The following NEGR1 variants were observed in gnomAD, a reference collection of about 807,000 sequenced individuals.
NEGR1 encodes IgLON family member 4.
Under a neutral mutation model 40.9 loss-of-function variants are expected in NEGR1, and 10 were observed. The observed-to-expected ratio is 0.24, with a 90% CI of 0.15 to 0.42. The LOEUF (loss-of-function observed/expected upper bound fraction) is 0.42. Ranked by LOEUF, NEGR1 falls within the 10% of genes least tolerant of loss-of-function variation. NEGR1 has a pLI of 1.00. For synonymous variants in NEGR1, 185 were observed against 166.8 expected, an observed-to-expected ratio of 1.11 and a Z score of -0.84; for missense variants, 352 against 438.9, an observed-to-expected ratio of 0.80 and a Z score of 1.77.
chr1:72,022,938 C>T (rs1441654269), intron 1 of NEGR1, among the ~76,000 whole-genome samples: 2 of 152,036 alleles, frequency 1.3e-5, no homozygotes, highest in African/African-American at 4.8e-5. Context: ...AAGAAACAAC[C>T]AAAGTAGTAA....
At chr1:72,079,234 G>A (rs1038326855) in intron 1 of NEGR1, among the ~76,000 whole-genome samples, 2 of 151,634 alleles carry the variant, frequency 1.3e-5, no homozygotes, top group Non-Finnish European at 2.9e-5. Flanking sequence ...GTTTATTTAA[G>A]AATATAGCTG....
At chr1:71,751,089 T>G (rs986178843) in intron 3 of NEGR1, among the ~76,000 whole-genome samples, 4 of 152,026 alleles carry the variant, frequency 2.6e-5, no homozygotes, top group African/African-American at 7.2e-5. Context: ...GTTTTGTTTT[T>G]TTTTTGTTCT....
chr1:72,042,557 C>T (rs1646965486), intron 1 of NEGR1, among the ~76,000 whole-genome samples: 1 of 151,914 alleles, frequency 6.6e-6, no homozygotes, highest in South Asian at 2.1e-4. Flanking sequence ...AAAGAATACT[C>T]TTTGCTTTTT....
intron 1 of NEGR1, among the ~76,000 whole-genome samples, chr1:72,147,644 G>A (rs1650960307): frequency 6.6e-6 from 1 of 152,092 alleles, no homozygotes; most frequent in Admixed American, 6.6e-5. Context: ...AATGTCCACA[G>A]TCCAAAGTCT....
At chr1:72,007,199 C>T (rs1362583150) in intron 1 of NEGR1, among the ~76,000 whole-genome samples, 2 of 152,084 alleles carry the variant, frequency 1.3e-5, no homozygotes, top group Non-Finnish European at 2.9e-5. Flanking sequence ...TTCACTTGCA[C>T]TAGTAAATGT....
chr1:72,023,864 C>T (rs533064836), intron 1 of NEGR1, among the ~76,000 whole-genome samples: 40 of 152,134 alleles, frequency 2.6e-4, no homozygotes, highest in African/African-American at 9.4e-4. Flanking sequence ...TCAAATTATG[C>T]TATGCTCTCC....
At chr1:72,127,125 G>A (rs947773218) in intron 1 of NEGR1, among the ~76,000 whole-genome samples, 6 of 152,132 alleles carry the variant, frequency 3.9e-5, no homozygotes, top group South Asian at 4.1e-4. Flanking sequence ...GGTGAATACT[G>A]ACAGCAATAA....
intron 4 of NEGR1, among the ~76,000 whole-genome samples, chr1:71,653,012 C>T (rs76582039): frequency 0.018 from 2,699 of 152,258 alleles, 59 homozygotes; most frequent in African/African-American, 0.056. Flanking sequence ...TCATTGACCT[C>T]CCTGCCCCCA....
chr1:71,591,403 G>A (rs1262565106), intron 6 of NEGR1, among the ~76,000 whole-genome samples: 1 of 152,124 alleles, frequency 6.6e-6, no homozygotes, highest in Non-Finnish European at 1.5e-5. Context: ...AAATCAGAAT[G>A]TAATTTAGAA....
intron 2 of NEGR1, among the ~76,000 whole-genome samples, chr1:71,819,313 T>A (rs1658339740): frequency 6.6e-6 from 1 of 151,834 alleles, no homozygotes; most frequent in South Asian, 2.1e-4. Context: ...GAAAAATGAA[T>A]CCAGTTATGC....
At chr1:72,242,533 T>C (rs1336615755) in intron 1 of NEGR1, among the ~76,000 whole-genome samples, 8 of 151,646 alleles carry the variant, frequency 5.3e-5, no homozygotes, top group African/African-American at 1.7e-4. Context: ...TTTCATTCAT[T>C]TATTCATTTA....
chr1:72,250,571 C>T (rs950732554), intron 1 of NEGR1, among the ~76,000 whole-genome samples: 7 of 152,024 alleles, frequency 4.6e-5, no homozygotes, highest in Non-Finnish European at 1.0e-4. Flanking sequence ...CTTTCATTTG[C>T]CACTGTGGCT....
intron 3 of NEGR1, among the ~76,000 whole-genome samples, chr1:71,760,548 T>C (rs1655905457): frequency 6.6e-6 from 1 of 152,230 alleles, no homozygotes; most frequent in Admixed American, 6.5e-5. Context: ...TCATTCATTA[T>C]ATAATTATCC....
chr1:71,632,347 C>G (rs989806929), intron 4 of NEGR1, among the ~76,000 whole-genome samples: 2 of 151,322 alleles, frequency 1.3e-5, no homozygotes, highest in Admixed American at 1.3e-4. Flanking sequence ...CAGCTGACAA[C>G]TTTGGATATC....
At chr1:72,195,537 T>C (rs1652970144) in intron 1 of NEGR1, among the ~76,000 whole-genome samples, 1 of 152,038 alleles carries the variant, frequency 6.6e-6, no homozygotes, top group Non-Finnish European at 1.5e-5. Flanking sequence ...TACACCAAGA[T>C]TTTTTTCTTA....
chr1:72,018,302 A>G (rs894814421), intron 1 of NEGR1, among the ~76,000 whole-genome samples: 1 of 152,200 alleles, frequency 6.6e-6, no homozygotes, highest in Non-Finnish European at 1.5e-5. Flanking sequence ...GCCTTTAATA[A>G]ACTCATAGCC....
At position 72,070,197 on chromosome 1, in the gene NEGR1, A is replaced by G. The variant is rs186118340; in HGVS notation, c.177-134886T>C. On this transcript the variant is annotated intron_variant, in intron 1 of 6. Coordinates refer to ENST00000357731, the MANE Select transcript of NEGR1 (RefSeq NM_173808.3). ...GATCCTCAGATTACTGATCTTTTAA[A>G]TATAATCTACAAAGGAAAGTAGATT... 5.8e-3 allele frequency among the ~76,000 whole-genome samples: 885 copies of G among 152,194 alleles called. 5 individuals are homozygous for G. The highest frequency in any genetic ancestry group is 0.02 in the African/African-American group (845 of 41,578).
chr1:72,161,358 T>C (rs1244637613), intron 1 of NEGR1, among the ~76,000 whole-genome samples: 2 of 152,048 alleles, frequency 1.3e-5, no homozygotes, highest in African/African-American at 2.4e-5. Context: ...GCTGGTACAT[T>C]TTACCCTAGG....
At position 71,982,968 on chromosome 1, in the gene NEGR1, C is replaced by T. The variant is rs1047295124; in HGVS notation, c.177-47657G>A. On this transcript the variant is annotated intron_variant, in intron 1 of 6. Transcript: ENST00000357731. ...TGGAATTCTCTGACAATATCTTTCTCGGGTGTTGATGTAATCATTGTAGTT... is the reference window on the plus strand; with the variant it reads ...TGGAATTCTCTGACAATATCTTTCTTGGGTGTTGATGTAATCATTGTAGTT... Among the ~76,000 whole-genome samples the T allele has an allele frequency of 4.6e-5, 7 of 152,102 alleles. No homozygotes were observed. In the East Asian group the frequency reaches 1.4e-3, roughly 29 times the overall value.
Sources: gnomAD v4.1 joint callset for allele counts (sites outside exome capture counted in the v4.1 genomes callset) on GRCh38, gnomAD v4.1.1 for gene constraint, MANE v1.5 for transcripts, NCBI Gene and HGNC (gene_info 2026-07-23, HGNC 2026-07-21) for gene names.